LRRC7: variants seen among roughly 807,000 people sequenced by gnomAD.
LRRC7 encodes leucine rich repeat containing 7.
Under a neutral mutation model 175.7 loss-of-function variants are expected in LRRC7, and 23 were observed. The observed-to-expected ratio is 0.13, with a 90% confidence interval of 0.09 to 0.19. The LOEUF is 0.19. Ranked by LOEUF, LRRC7 falls within the 10% of genes least tolerant of loss-of-function variation. LRRC7 has a pLI of 1.00. For synonymous variants in LRRC7, 685 were observed against 680.9 expected (o/e 1.01, Z -0.09); for missense variants, 1,354 against 1,904.7 (o/e 0.71, Z 5.38).
intron 23 of LRRC7, among the ~76,000 whole-genome samples, chr1:70,065,659 G>A (rs1479389373): frequency 6.6e-6 from 1 of 151,884 alleles, no homozygotes; most frequent in Non-Finnish European, 1.5e-5. Context: ...ATACAATGAT[G>A]GGGATGGAAA....
rs547983495 is a variant in LRRC7, at chr1:69,841,214, CA to C, written c.647+2933del. 1.8e-4 allele frequency among the ~76,000 whole-genome samples: 27 copies of C among 152,078 alleles called. No individual in the cohort carries two copies. In the East Asian group the frequency reaches 4.8e-3, roughly 27 times the overall value. ...TTTCCATTCTTTTCCTATAGAAGCTCAAGTGTGCTTCTCTATAGGGCTACTC... is the reference window on the plus strand; with the variant it reads ...TTTCCATTCTTTTCCTATAGAAGCTCAGTGTGCTTCTCTATAGGGCTACTC... On this transcript the variant is annotated intron_variant, in intron 7 of 26. Coordinates refer to ENST00000651989, the MANE Select transcript of LRRC7 (RefSeq NM_001370785.2).
At chr1:69,675,017 G>A (rs1417130132) in intron 1 of LRRC7, among the ~76,000 whole-genome samples, 1 of 152,082 alleles carries the variant, frequency 6.6e-6, no homozygotes, top group African/African-American at 2.4e-5. Flanking sequence ...ATCCTGTTGT[G>A]TATGTAAGCA....
At chr1:69,624,866 C>A (rs1412662305) in intron 1 of LRRC7, among the ~76,000 whole-genome samples, 5 of 152,074 alleles carry the variant, frequency 3.3e-5, no homozygotes. Flanking sequence ...ATTTCTCAGT[C>A]CTTAAGCCAT....
At position 70,132,243 on chromosome 1, in the gene LRRC7, C is replaced by T. The variant is rs1207980346; in HGVS notation, c.*10356C>T. 1 of 152,206 alleles carries T rather than the reference C, an allele frequency of 6.6e-6. No individual in the cohort carries two copies. The highest frequency in any genetic ancestry group is 1.9e-4 in the East Asian group (1 of 5,196). The allele number at this position is 152,206 out of a possible 1,614,324, so 9.4% of individuals were successfully genotyped here. ...GCTCTTCTTGGTTTCTGCCTTCCCT[C>T]CTGCTCTTCCAGATGTCAAAAGAAG... On this transcript the variant is annotated 3_prime_UTR_variant, in exon 27 of 27. Coordinates refer to ENST00000651989, the MANE Select transcript of LRRC7 (RefSeq NM_001370785.2).
chr1:70,136,893 T>C lies in LRRC7; in HGVS notation c.*15006T>C, dbSNP rs1243520831. On this transcript the variant is annotated 3_prime_UTR_variant, in exon 27 of 27. Coordinates refer to ENST00000651989, the MANE Select transcript of LRRC7 (RefSeq NM_001370785.2). ...GGCATGCACCACCACTCCTGGCTAATTTTTTATTTTTTGCAGAGACAGAGT... is the reference window on the plus strand; with the variant it reads ...GGCATGCACCACCACTCCTGGCTAACTTTTTATTTTTTGCAGAGACAGAGT... 6.6e-6 allele frequency among the ~76,000 whole-genome samples: 1 copy of C among 151,766 alleles called. No individual in the cohort carries two copies.
chr1:69,915,795 G>C (rs917437968), intron 7 of LRRC7, among the ~76,000 whole-genome samples: 2 of 151,596 alleles, frequency 1.3e-5, no homozygotes, highest in African/African-American at 4.8e-5. Flanking sequence ...AACTAACACA[G>C]AGAGTATTTA....
At chr1:69,919,839 G>C in intron 7 of LRRC7, 1 of 708,474 alleles carries the variant, frequency 1.4e-6, no homozygotes, top group South Asian at 1.8e-5. Context: ...CGCACGGAGT[G>C]AGGATTGGGG....
intron 24 of LRRC7, among the ~76,000 whole-genome samples, chr1:70,086,904 C>T (rs1663654023): frequency 1.3e-5 from 2 of 152,240 alleles, no homozygotes; most frequent in East Asian, 1.9e-4. Context: ...TGTCCTCTTA[C>T]ATTTTATGGC....
At chr1:69,568,719 G>A in intron 1 of LRRC7, 78 bp downstream of exon 1, 1 of 1,150,778 alleles carries the variant, frequency 8.7e-7, no homozygotes, top group Non-Finnish European at 1.1e-6. Flanking sequence ...CGCGAGGTGT[G>A]GGACCCCAGA....
At chr1:69,870,810 A>G (rs1685455212) in intron 7 of LRRC7, among the ~76,000 whole-genome samples, 1 of 152,116 alleles carries the variant, frequency 6.6e-6, no homozygotes, top group Non-Finnish European at 1.5e-5. Flanking sequence ...CTTGGAAGCC[A>G]TAGATAATTA....
intron 26 of LRRC7, among the ~76,000 whole-genome samples, chr1:70,108,628 G>A (rs1032081245): frequency 5.3e-5 from 8 of 152,104 alleles, no homozygotes; most frequent in African/African-American, 1.4e-4. Flanking sequence ...GAAATTTCCC[G>A]TTATATAAAT....
chr1:69,815,107 T>C (rs901803864), intron 4 of LRRC7, among the ~76,000 whole-genome samples: 1 of 152,178 alleles, frequency 6.6e-6, no homozygotes, highest in African/African-American at 2.4e-5. Flanking sequence ...CTAGACTGTG[T>C]GCTCTCCAGG....
intron 7 of LRRC7, among the ~76,000 whole-genome samples, chr1:69,840,931 A>T (rs1050199977): frequency 6.6e-6 from 1 of 152,160 alleles, no homozygotes; most frequent in Non-Finnish European, 1.5e-5. Flanking sequence ...GAAAATGTGT[A>T]GATGGTAGAG....
At chr1:69,713,013 G>C (rs550932174) in intron 2 of LRRC7, among the ~76,000 whole-genome samples, 1 of 152,034 alleles carries the variant, frequency 6.6e-6, no homozygotes, top group Admixed American at 6.6e-5. Flanking sequence ...GGAGGGGCAC[G>C]TTTTGTTTTC....
intron 23 of LRRC7, among the ~76,000 whole-genome samples, chr1:70,058,289 C>T (rs895182089): frequency 2.0e-5 from 3 of 152,246 alleles, no homozygotes; most frequent in African/African-American, 4.8e-5. Flanking sequence ...GGATTATAGG[C>T]GAGAGCCACT....
intron 1 of LRRC7, among the ~76,000 whole-genome samples, chr1:69,595,013 T>C (rs1646783248): frequency 1.0e-5 from 1 of 100,220 alleles, no homozygotes; most frequent in South Asian, 3.2e-4. Flanking sequence ...AAAATGATCA[T>C]TTTTTTTTTT....
chr1:69,881,899 A>G (rs1489926419), intron 7 of LRRC7, among the ~76,000 whole-genome samples: 3 of 151,574 alleles, frequency 2.0e-5, no homozygotes, highest in African/African-American at 7.3e-5. Context: ...AAAAAAAAAA[A>G]AAGAACAAAT....
In LRRC7 at chr1:70,130,481, T is replaced by A. The variant is rs1359194714; in HGVS notation, c.*8594T>A. On this transcript the variant is annotated 3_prime_UTR_variant, in exon 27 of 27. Coordinates refer to ENST00000651989, the MANE Select transcript of LRRC7 (RefSeq NM_001370785.2). ...TTCTCAGTTGACTCAAAATTCCCAG[T>A]TAAAAAAAATTTCTCCTTTTTAAAT... Among the ~76,000 whole-genome samples, 1 of 152,152 alleles carries A rather than the reference T, an allele frequency of 6.6e-6. No homozygotes were observed. Among genetic ancestry groups the A allele is most frequent in the Non-Finnish European group, 1.5e-5 (1 of 68,012 alleles).
At chr1:69,828,035 C>G (rs1680124001) in intron 5 of LRRC7, among the ~76,000 whole-genome samples, 1 of 152,070 alleles carries the variant, frequency 6.6e-6, no homozygotes, top group South Asian at 2.1e-4. Flanking sequence ...TGATATCATA[C>G]TTTTGTGTCT....
Sources: gnomAD v4.1 joint callset for allele counts (sites outside exome capture counted in the v4.1 genomes callset) on GRCh38, gnomAD v4.1.1 for gene constraint, MANE v1.5 for transcripts, NCBI Gene and HGNC (gene_info 2026-07-23, HGNC 2026-07-21) for gene names.